Variants in CELF4 observed in about 807,000 individuals in gnomAD.
CELF4 encodes CUGBP Elav-like family member 4.
Under a neutral mutation model 59.9 loss-of-function variants are expected in CELF4, and 18 were observed. The observed-to-expected ratio is 0.30, with a 90% confidence interval of 0.21 to 0.45. The LOEUF (loss-of-function observed/expected upper bound fraction) is 0.45. Among genes scored for constraint, CELF4 ranks in the 20% least tolerant of loss-of-function variants. The pLI is 1.00. For missense variants in CELF4, 456 were observed against 689.0 expected (o/e 0.66, Z 3.79); for synonymous variants, 261 against 267.1 (o/e 0.98, Z 0.22).
At chr18:37,463,500 C>T (rs1218853133) in intron 2 of CELF4, among the ~76,000 whole-genome samples, 1 of 152,208 alleles carries the variant, frequency 6.6e-6, no homozygotes, top group African/African-American at 2.4e-5. Flanking sequence ...ATCTCAAGGC[C>T]TAGAGAGATT....
At chr18:37,559,063 A>C (rs1048997910) in intron 1 of CELF4, among the ~76,000 whole-genome samples, 12 of 152,044 alleles carry the variant, frequency 7.9e-5, no homozygotes, top group Non-Finnish European at 1.5e-5. Context: ...CTGGATGGGG[A>C]TATCAGGCAG....
At chr18:37,507,170 C>A (rs2099939017) in intron 1 of CELF4, among the ~76,000 whole-genome samples, 1 of 152,206 alleles carries the variant, frequency 6.6e-6, no homozygotes, top group African/African-American at 2.4e-5. Flanking sequence ...CCCAGCTGAG[C>A]ACGATGGTCT....
intron 2 of CELF4, among the ~76,000 whole-genome samples, chr18:37,466,757 A>C (rs1052171502): frequency 2.0e-5 from 3 of 152,154 alleles, no homozygotes; most frequent in Admixed American, 6.5e-5. Context: ...TAGGCATAGG[A>C]AATTCTAGGC....
At chr18:37,342,589 T>A (rs2154548944) in intron 2 of CELF4, among the ~76,000 whole-genome samples, 1 of 152,250 alleles carries the variant, frequency 6.6e-6, no homozygotes, top group African/African-American at 2.4e-5. Flanking sequence ...ACAGCTCCAC[T>A]GGGCCTCAGG....
chr18:37,481,162 T>A (rs943542664), intron 2 of CELF4, among the ~76,000 whole-genome samples: 5 of 152,080 alleles, frequency 3.3e-5, no homozygotes, highest in African/African-American at 1.2e-4. Context: ...AGTGTGTTAG[T>A]TTGCTTTGTA....
chr18:37,498,984 T>C (rs1156486422), intron 1 of CELF4, among the ~76,000 whole-genome samples: 2 of 152,326 alleles, frequency 1.3e-5, no homozygotes, highest in African/African-American at 4.8e-5. Context: ...GTAATAGTTG[T>C]GATGTGATGC....
chr18:37,536,617 G>A (rs1296058730), intron 1 of CELF4, among the ~76,000 whole-genome samples: 1 of 152,224 alleles, frequency 6.6e-6, no homozygotes, highest in African/African-American at 2.4e-5. Context: ...GCATTTTACA[G>A]ATGCAGATAG....
intron 2 of CELF4, among the ~76,000 whole-genome samples, chr18:37,378,613 T>TA (rs2098999618): frequency 6.6e-6 from 1 of 152,150 alleles, no homozygotes; most frequent in Non-Finnish European, 1.5e-5. Flanking sequence ...TGCCATGAAA[T>TA]AAACACATAT....
At chr18:37,394,394 C>T (rs2099213192) in intron 2 of CELF4, among the ~76,000 whole-genome samples, 1 of 152,198 alleles carries the variant, frequency 6.6e-6, no homozygotes, top group Non-Finnish European at 1.5e-5. Context: ...ACCATGCGGG[C>T]ACCAGGCAGG....
At chr18:37,408,712 G>A (rs944859564) in intron 2 of CELF4, among the ~76,000 whole-genome samples, 1 of 152,162 alleles carries the variant, frequency 6.6e-6, no homozygotes, top group Non-Finnish European at 1.5e-5. Context: ...CAGCTCCTAA[G>A]TCTGAGAGTC....
chr18:37,369,858 A>G (rs1335902864), intron 2 of CELF4, among the ~76,000 whole-genome samples: 1 of 152,196 alleles, frequency 6.6e-6, no homozygotes, highest in Non-Finnish European at 1.5e-5. Flanking sequence ...CCCAAGAGAT[A>G]TTGCCCAGGA....
At chr18:37,315,793 T>G (rs937620588) in intron 3 of CELF4, among the ~76,000 whole-genome samples, 7 of 152,282 alleles carry the variant, frequency 4.6e-5, no homozygotes, top group African/African-American at 1.7e-4. Flanking sequence ...TATCAGCCAC[T>G]CGTCCCCTCC....
chr18:37,375,790 C>A (rs1221026770), intron 2 of CELF4, among the ~76,000 whole-genome samples: 1 of 152,110 alleles, frequency 6.6e-6, no homozygotes, highest in Non-Finnish European at 1.5e-5. Flanking sequence ...GGGCTACAGC[C>A]AACTCCTCTA....
At chr18:37,373,797 G>A (rs1244215342) in intron 2 of CELF4, among the ~76,000 whole-genome samples, 1 of 152,174 alleles carries the variant, frequency 6.6e-6, no homozygotes, top group Non-Finnish European at 1.5e-5. Flanking sequence ...GAGGATGGGG[G>A]TCCCTCGTGG....
chr18:37,445,297 C>T lies in CELF4; in HGVS notation c.369+40228G>A, dbSNP rs1198887963. Among the ~76,000 whole-genome samples the T allele has an allele frequency of 7.2e-5, 11 of 151,936 alleles. No homozygotes were observed. The East Asian group carries it at 2.1e-3, about 30-fold the overall frequency. ...GACATCCTGCCCCAGAGAGCGCGGC[C>T]AGGGTCTTGTTTCTCTATTCTCCCC... On this transcript the variant is annotated intron_variant, in intron 2 of 12. Coordinates refer to ENST00000420428, the MANE Select transcript of CELF4 (RefSeq NM_020180.4).
chr18:37,513,575 C>T (rs1450499271), intron 1 of CELF4, among the ~76,000 whole-genome samples: 1 of 152,182 alleles, frequency 6.6e-6, no homozygotes, highest in Non-Finnish European at 1.5e-5. Context: ...CATTCTTTCA[C>T]TCACTCCAGG....
Position 37,253,796 on chromosome 18 carries a change from C to T in CELF4, c.*15G>A. The T allele has an allele frequency of 6.3e-7, 1 of 1,590,906 alleles. No individual in the cohort carries two copies. Among genetic ancestry groups the T allele is most frequent in the African/African-American group, 1.4e-5 (1 of 73,038 alleles). Reference sequence around the variant, plus strand: ...GCGAGTCCTGGTCTCCCCCGGGGGACGCTCCCGCCGGCGCTCAGTACGGGC... The same window carrying T: ...GCGAGTCCTGGTCTCCCCCGGGGGATGCTCCCGCCGGCGCTCAGTACGGGC... On this transcript the variant is annotated 3_prime_UTR_variant, in exon 12 of 13. Transcript: ENST00000420428. This position sits in a 1 kb window ranked among gnomAD's most constrained non-coding sequence, Gnocchi z 4.5.
At chr18:37,361,863 G>T (rs1042271954) in intron 2 of CELF4, among the ~76,000 whole-genome samples, 3 of 140,010 alleles carry the variant, frequency 2.1e-5, no homozygotes, top group Non-Finnish European at 4.7e-5. Context: ...CATTAGGGAG[G>T]GGGGCGGGGG....
intron 2 of CELF4, among the ~76,000 whole-genome samples, chr18:37,421,396 G>A (rs778972835): frequency 3.9e-5 from 6 of 152,288 alleles, no homozygotes; most frequent in South Asian, 4.1e-4. Flanking sequence ...AACACAGGGC[G>A]GTTTTATCAC....
Sources: allele counts gnomAD v4.1 joint callset (sites outside exome capture counted in the v4.1 genomes callset), GRCh38; gene constraint gnomAD v4.1.1; non-coding constraint Gnocchi (gnomAD v3.1); transcripts MANE v1.5; gene names NCBI Gene and HGNC (gene_info 2026-07-23, HGNC 2026-07-21).